Variants in KIF6 observed in about 807,000 individuals in gnomAD.
KIF6 encodes kinesin family member 6, also known as kinesin-like protein KIF6.
In KIF6, 106 loss-of-function variants were observed where a neutral mutation model predicts 112.7. That is an observed-to-expected ratio of 0.94 (90% confidence interval 0.80 to 1.11). The LOEUF is 1.11. Among genes scored for constraint, KIF6 ranks in the 50% least tolerant of loss-of-function variants. The pLI is 0.00. For synonymous variants in KIF6, 339 were observed against 339.9 expected, an observed-to-expected ratio of 1.00 and a Z score of 0.03; for missense variants, 929 against 964.0, an observed-to-expected ratio of 0.96 and a Z score of 0.48.
At chr6:39,488,671 A>G (rs937368881) in intron 13 of KIF6, among the ~76,000 whole-genome samples, 3 of 152,214 alleles carry the variant, frequency 2.0e-5, no homozygotes, top group Non-Finnish European at 4.4e-5. Flanking sequence ...ATTGGTAAAT[A>G]TCTGCTGAAT....
chr6:39,579,753 A>T (rs1488906548), intron 9 of KIF6, among the ~76,000 whole-genome samples: 3 of 152,004 alleles, frequency 2.0e-5, no homozygotes. Context: ...AATAGGGATC[A>T]AATTTTAATT....
chr6:39,529,670 C>A (rs1219172822), intron 13 of KIF6, among the ~76,000 whole-genome samples: 1 of 151,920 alleles, frequency 6.6e-6, no homozygotes, highest in East Asian at 1.9e-4. Flanking sequence ...GCCTGTAGTC[C>A]CAGCTACTTG....
At chr6:39,625,069 A>G (rs531349034) in intron 5 of KIF6, among the ~76,000 whole-genome samples, 11 of 151,302 alleles carry the variant, frequency 7.3e-5, no homozygotes, top group African/African-American at 2.7e-4. Flanking sequence ...CCAGGCAAGA[A>G]GGCAACAGTC....
intron 13 of KIF6, among the ~76,000 whole-genome samples, chr6:39,477,731 C>T (rs1487466922): frequency 1.3e-5 from 2 of 151,988 alleles, no homozygotes; most frequent in African/African-American, 4.8e-5. Flanking sequence ...CGTGGTGGCG[C>T]ACTTCTGTAG....
chr6:39,385,741 A>T, intron 15 of KIF6, 69 bp from the exon 16 acceptor site: 3 of 854,674 alleles, frequency 3.5e-6, no homozygotes, highest in Non-Finnish European at 5.8e-6. Flanking sequence ...CCTCAGAAGC[A>T]TGTGGCAAGC....
intron 13 of KIF6, among the ~76,000 whole-genome samples, chr6:39,455,758 G>A (rs989354483): frequency 1.3e-5 from 2 of 152,100 alleles, no homozygotes; most frequent in African/African-American, 4.8e-5. Flanking sequence ...TCAGCTGAAA[G>A]AAAGGGTATC....
chr6:39,494,400 T>C (rs911857399), intron 13 of KIF6, among the ~76,000 whole-genome samples: 2 of 152,174 alleles, frequency 1.3e-5, no homozygotes, highest in Non-Finnish European at 2.9e-5. Flanking sequence ...CTGACAGAAA[T>C]TAACACTCAA....
intron 15 of KIF6, among the ~76,000 whole-genome samples, chr6:39,398,626 A>G (rs1471566279): frequency 6.6e-6 from 1 of 152,240 alleles, no homozygotes; most frequent in Non-Finnish European, 1.5e-5. Flanking sequence ...AGCTCTAAAA[A>G]TGAAATAACC....
intron 13 of KIF6, among the ~76,000 whole-genome samples, chr6:39,533,743 T>C (rs569621269): frequency 9.2e-5 from 14 of 152,208 alleles, no homozygotes; most frequent in Non-Finnish European, 1.8e-4. Context: ...ATCTGAGAAC[T>C]GGCAGACTGC....
chr6:39,432,244 G>C (rs1357983043), intron 13 of KIF6, among the ~76,000 whole-genome samples: 3 of 152,180 alleles, frequency 2.0e-5, no homozygotes, highest in Non-Finnish European at 2.9e-5. Context: ...TCAAAGTCTG[G>C]CATTTAGAAG....
At position 39,360,384 on chromosome 6, in the gene KIF6, C is replaced by T. The variant is rs747570249; in HGVS notation, c.2082+11G>A. On this transcript the variant is annotated intron_variant, in intron 18 of 22. Coordinates refer to ENST00000287152, the MANE Select transcript of KIF6 (RefSeq NM_145027.6). The stretch of plus-strand genomic sequence containing the variant: ...CCCTCCCCAGCTTCCCTGATGTTCC[C>T]CAGGCCATACCTGCAGGTTGGTGGC... 6 of 1,614,032 alleles carry T rather than the reference C, an allele frequency of 3.7e-6. No individual in the cohort carries two copies. In the Admixed American group the frequency reaches 8.3e-5, roughly 22 times the overall value.
chr6:39,405,582 T>G (rs774455073), intron 15 of KIF6, among the ~76,000 whole-genome samples: 1 of 152,200 alleles, frequency 6.6e-6, no homozygotes, highest in Non-Finnish European at 1.5e-5. Flanking sequence ...GGTATATTAG[T>G]CTTTTTATAT....
In KIF6 at chr6:39,709,008, C is replaced by T. The variant is rs556782576; in HGVS notation, c.251+5684G>A. ...AAAAATTCATCCAGAAATTAATGAG[C>T]AAAATTCAGATGACAAAAGGCAGTT... On this transcript the variant is annotated intron_variant, in intron 3 of 22. Transcript: ENST00000287152. Among the ~76,000 whole-genome samples, 5 of 151,978 alleles carry T rather than the reference C, an allele frequency of 3.3e-5. No individual in the cohort carries two copies. In the South Asian group the frequency reaches 1.0e-3, roughly 32 times the overall value.
intron 13 of KIF6, among the ~76,000 whole-genome samples, chr6:39,482,006 GCACACACACACACA>G (rs143093562): frequency 2.8e-5 from 4 of 141,134 alleles, no homozygotes; most frequent in Admixed American, 7.1e-5. Flanking sequence ...GGACCTTTAG[GCACACACACACACA>G]CACACACACA....
intron 5 of KIF6, among the ~76,000 whole-genome samples, chr6:39,621,232 C>T (rs916948830): frequency 2.2e-5 from 2 of 92,270 alleles, no homozygotes; most frequent in Admixed American, 1.2e-4. Flanking sequence ...CACACACACA[C>T]GTACACATAT....
At chr6:39,346,103 C>CTCT (rs1562113088) in intron 20 of KIF6, among the ~76,000 whole-genome samples, 4 of 47,788 alleles carry the variant, frequency 8.4e-5, no homozygotes, top group African/African-American at 3.3e-4. Context: ...CTCTCCCTCC[C>CTCT]CCCCTCCCTC....
chr6:39,349,229 G>A (rs1485542765), intron 19 of KIF6, among the ~76,000 whole-genome samples: 1 of 152,176 alleles, frequency 6.6e-6, no homozygotes, highest in Non-Finnish European at 1.5e-5. Context: ...AATGCCCAAG[G>A]CCAAGACAAG....
intron 13 of KIF6, among the ~76,000 whole-genome samples, chr6:39,525,974 T>C (rs1330165892): frequency 6.6e-6 from 1 of 152,198 alleles, no homozygotes; most frequent in Non-Finnish European, 1.5e-5. Flanking sequence ...TCTAGAACAA[T>C]GCTCATTTGT....
chr6:39,681,741 C>T (rs1221172694), intron 3 of KIF6, among the ~76,000 whole-genome samples: 1 of 152,178 alleles, frequency 6.6e-6, no homozygotes, highest in African/African-American at 2.4e-5. Context: ...GCAGTTTCAT[C>T]CTTAGTTTCT....
Sources: allele counts gnomAD v4.1 joint callset (sites outside exome capture counted in the v4.1 genomes callset), GRCh38; gene constraint gnomAD v4.1.1; transcripts MANE v1.5; gene names NCBI Gene and HGNC (gene_info 2026-07-23, HGNC 2026-07-21).